PPM1E: variants seen among roughly 807,000 people sequenced by gnomAD.
The protein encoded by PPM1E is protein phosphatase 1E.
Under a neutral mutation model 65.9 loss-of-function variants are expected in PPM1E, and 20 were observed. That is an observed-to-expected ratio of 0.30 (90% CI 0.21 to 0.44). The LOEUF is 0.44. PPM1E is among the 20% of genes least tolerant of loss of function. The pLI is 1.00. For missense variants in PPM1E, 713 were observed against 953.1 expected, an observed-to-expected ratio of 0.75 and a Z score of 3.32; for synonymous variants, 352 against 374.9, an observed-to-expected ratio of 0.94 and a Z score of 0.70.
At chr17:58,775,653 G>A (rs1286559433) in intron 1 of PPM1E, among the ~76,000 whole-genome samples, 1 of 151,862 alleles carries the variant, frequency 6.6e-6, no homozygotes, top group Non-Finnish European at 1.5e-5. Context: ...AGTGGCTCAC[G>A]CCTGTAATCC....
intron 1 of PPM1E, among the ~76,000 whole-genome samples, chr17:58,781,630 G>A (rs1356045370): frequency 3.9e-5 from 6 of 151,968 alleles, no homozygotes; most frequent in African/African-American, 1.2e-4. Context: ...GGCCAGGCAC[G>A]GTGGCTGATG....
intron 1 of PPM1E, among the ~76,000 whole-genome samples, chr17:58,782,938 A>T (rs2050064567): frequency 6.6e-6 from 1 of 152,188 alleles, no homozygotes; most frequent in Non-Finnish European, 1.5e-5. Flanking sequence ...AAGGAGAATA[A>T]TATTTATTCT....
chr17:58,766,196 G>GTTTTTTTTTTTTTTTTTTT (rs10604459), intron 1 of PPM1E, among the ~76,000 whole-genome samples: 9 of 65,138 alleles, frequency 1.4e-4, no homozygotes, highest in Non-Finnish European at 2.3e-4. Context: ...TGTAATTTCT[G>GTTTTTTTTTTTTTTTTTTT]TTTTTTTTTT....
At chr17:58,763,103 A>ATTTT (rs2049839168) in intron 1 of PPM1E, among the ~76,000 whole-genome samples, 3 of 152,118 alleles carry the variant, frequency 2.0e-5, no homozygotes, top group Non-Finnish European at 4.4e-5. Flanking sequence ...TATTAAGTTA[A>ATTTT]TACTGACTGC....
chr17:58,963,358 G>A lies in PPM1E; in HGVS notation c.584-2336G>A, dbSNP rs542368272. 2.2e-4 allele frequency among the ~76,000 whole-genome samples: 32 copies of A among 147,488 alleles called. No homozygotes were observed. In the East Asian group the frequency reaches 6.4e-3, roughly 30 times the overall value. The stretch of plus-strand genomic sequence containing the variant: ...GCTGAGAATGCACCATTGCACTCCA[G>A]CCTGGGCGACAAGAGTGAAACTCTG... On this transcript the variant is annotated intron_variant, in intron 2 of 6. Coordinates refer to ENST00000308249, the MANE Select transcript of PPM1E (RefSeq NM_014906.5).
intron 1 of PPM1E, among the ~76,000 whole-genome samples, chr17:58,783,549 A>C (rs993143193): frequency 6.6e-6 from 1 of 152,342 alleles, no homozygotes; most frequent in Non-Finnish European, 1.5e-5. Flanking sequence ...AAATGACAGC[A>C]GTATCAGCCC....
chr17:58,781,139 CTTT>C (rs35359689), intron 1 of PPM1E, among the ~76,000 whole-genome samples: 10 of 123,112 alleles, frequency 8.1e-5, no homozygotes, highest in Admixed American at 1.7e-4. Flanking sequence ...GTGCAGATGT[CTTT>C]TTTTTTTTTT....
At chr17:58,845,806 A>G (rs1229687036) in intron 1 of PPM1E, among the ~76,000 whole-genome samples, 5 of 152,064 alleles carry the variant, frequency 3.3e-5, no homozygotes, top group African/African-American at 1.2e-4. Flanking sequence ...TCAGCCTCCC[A>G]AGTAGCTGGG....
At chr17:58,860,372 G>GTCAGTTTT (rs2050926843) in intron 1 of PPM1E, among the ~76,000 whole-genome samples, 1 of 152,162 alleles carries the variant, frequency 6.6e-6, no homozygotes, top group Admixed American at 6.5e-5. Flanking sequence ...TGGCATGCCA[G>GTCAGTTTT]TCAGTTTTTT....
intron 1 of PPM1E, among the ~76,000 whole-genome samples, chr17:58,767,733 C>A (rs1406946220): frequency 6.6e-6 from 1 of 152,130 alleles, no homozygotes; most frequent in African/African-American, 2.4e-5. Flanking sequence ...ACCTCCGCCT[C>A]CTGGGTTCAA....
intron 1 of PPM1E, among the ~76,000 whole-genome samples, chr17:58,910,686 CTTA>C (rs2051617001): frequency 6.6e-6 from 1 of 152,130 alleles, no homozygotes. Context: ...TGAGGCTGTA[CTTA>C]TGGACTGTGA....
At chr17:58,860,533 G>A (rs1293068406) in intron 1 of PPM1E, among the ~76,000 whole-genome samples, 2 of 152,116 alleles carry the variant, frequency 1.3e-5, no homozygotes, top group Non-Finnish European at 2.9e-5. Context: ...CCAAAAGAGG[G>A]GGTTATGCCA....
In PPM1E at chr17:58,984,918, G is replaced by A. The variant is rs1170372929; in HGVS notation, c.*3887G>A. 6.6e-6 allele frequency: 1 copy of A among 152,596 alleles called. No homozygotes were observed. Among genetic ancestry groups the A allele is most frequent in the Non-Finnish European group, 1.5e-5 (1 of 68,030 alleles). 9.5% of individuals were successfully genotyped at this position (152,596 alleles called of 1,614,324 possible). On this transcript the variant is annotated 3_prime_UTR_variant, in exon 7 of 7. Transcript: ENST00000308249. ...TACATCATTGTAAACTCTTACTCTA[G>A]GTGCTCTTTGGTGAGAGACAGGCTT...
At chr17:58,964,335 TCAGCTTAAGTGGAGGG>T (rs996193645) in intron 2 of PPM1E, among the ~76,000 whole-genome samples, 2 of 152,180 alleles carry the variant, frequency 1.3e-5, no homozygotes, top group Non-Finnish European at 2.9e-5. Flanking sequence ...TTTCAGTAGC[TCAGCTTAAGTGGAGGG>T]CAACTTGAGT....
intron 6 of PPM1E, among the ~76,000 whole-genome samples, chr17:58,973,627 G>A (rs1355428742): frequency 6.6e-6 from 1 of 151,068 alleles, no homozygotes; most frequent in Non-Finnish European, 1.5e-5. Flanking sequence ...GGGCAACATA[G>A]TAAGACTTCA....
At chr17:58,809,281 G>A (rs930070760) in intron 1 of PPM1E, among the ~76,000 whole-genome samples, 1 of 152,042 alleles carries the variant, frequency 6.6e-6, no homozygotes, top group East Asian at 1.9e-4. Flanking sequence ...ATGGAGAAGG[G>A]TCTTACTATA....
At position 58,902,132 on chromosome 17, in the gene PPM1E, G is replaced by GA. The variant is rs1033918470; in HGVS notation, c.465-53513dup. 2.0e-4 allele frequency among the ~76,000 whole-genome samples: 31 copies of GA among 151,802 alleles called. 1 individual carries two copies. The highest frequency in any genetic ancestry group is 1.9e-3 in the Admixed American group (29 of 15,236). ...GATTAAAACAATGTTCTAAATTATGGAAAATGAGGTAAAGGAGAAAAAATT... is the reference window on the plus strand; with the variant it reads ...GATTAAAACAATGTTCTAAATTATGGAAAAATGAGGTAAAGGAGAAAAAATT... On this transcript the variant is annotated intron_variant, in intron 1 of 6. Coordinates refer to ENST00000308249, the MANE Select transcript of PPM1E (RefSeq NM_014906.5).
intron 1 of PPM1E, among the ~76,000 whole-genome samples, chr17:58,861,162 C>G (rs2050935139): frequency 6.6e-6 from 1 of 152,104 alleles, no homozygotes; most frequent in African/African-American, 2.4e-5. Context: ...TGGGTCAGAT[C>G]CACTGGAAAG....
At chr17:58,786,281 T>A (rs1293756066) in intron 1 of PPM1E, among the ~76,000 whole-genome samples, 1 of 152,200 alleles carries the variant, frequency 6.6e-6, no homozygotes, top group Admixed American at 6.6e-5. Context: ...CCCAAAGTGC[T>A]GGGATTACAG....
Sources: allele counts gnomAD v4.1 joint callset (sites outside exome capture counted in the v4.1 genomes callset), GRCh38; gene constraint gnomAD v4.1.1; transcripts MANE v1.5; gene names NCBI Gene and HGNC (gene_info 2026-07-23, HGNC 2026-07-21).